Variants in DLEC1 observed in about 807,000 individuals in gnomAD.
The protein encoded by DLEC1 is DLEC1 cilia and flagella associated protein, also known as deleted in lung and esophageal cancer protein 1.
In DLEC1, 146 loss-of-function variants were observed where a neutral mutation model predicts 198.1. The observed-to-expected ratio is 0.74, with a 90% CI of 0.64 to 0.85. DLEC1 has a LOEUF of 0.85. Among genes scored for constraint, DLEC1 ranks in the 40% least tolerant of loss-of-function variants. The pLI is 0.00. For synonymous variants in DLEC1, 897 were observed against 866.8 expected (o/e 1.03, Z -0.61); for missense variants, 2,233 against 2,220.0 (o/e 1.01, Z -0.12).
At position 38,097,843 on chromosome 3, in the gene DLEC1, C is replaced by T; in HGVS notation, c.2665C>T (p.Leu889Phe). 6.2e-7 allele frequency: 1 copy of T among 1,614,244 alleles called. No individual in the cohort carries two copies. Among genetic ancestry groups the T allele is most frequent in the Non-Finnish European group, 8.5e-7 (1 of 1,180,044 alleles). ...NSIQIRNVSQ[L>F]PATWRMKESP... is the part of the protein sequence containing the mutation. ...CATCCAGATCCGGAACGTCAGCCAG[C>T]TCCCAGCCACATGGCGCATGAAGGA... Residue 889 changes from leucine (L) to phenylalanine (F), a missense_variant, in exon 18 of 37, where the codon CTC becomes TTC. Physicochemically the swap from Leu to Phe is conservative, Grantham distance 22. Transcript: ENST00000308059.
In DLEC1 at chr3:38,112,282, G is replaced by C; in HGVS notation, c.3587G>C (p.Gly1196Ala). The change falls in exon 25 of 37, where the codon GGG (glycine) becomes GCG (alanine). Residue 1196 changes from glycine to alanine, a missense_variant. Coordinates refer to ENST00000308059, the MANE Select transcript of DLEC1 (RefSeq NM_007335.4). The surrounding 1 kb of genome is among the most constrained non-coding windows in gnomAD (Gnocchi z 4.8). Reference sequence around the variant, plus strand: ...CCTCACTTTTCCCAGGGCATGCTGGGGCCCTACCAGCAGCTGTGCATTGAC... The same window carrying C: ...CCTCACTTTTCCCAGGGCATGCTGGCGCCCTACCAGCAGCTGTGCATTGAC... ...FFPHFSQGMLGPYQQLCIDIT... is the reference protein window; with the variant it reads ...FFPHFSQGMLAPYQQLCIDIT... The C allele has an allele frequency of 6.2e-7, 1 of 1,614,126 alleles. No individual in the cohort carries two copies. The highest frequency in any genetic ancestry group is 8.5e-7 in the Non-Finnish European group (1 of 1,180,016).
intron 2 of DLEC1, among the ~76,000 whole-genome samples, chr3:38,055,047 A>G (rs1696285319): frequency 6.6e-6 from 1 of 152,268 alleles, no homozygotes; most frequent in African/African-American, 2.4e-5. Flanking sequence ...AGTACAATAG[A>G]TGAAACTGTG....
chr3:38,120,859 G>A (rs185366901), intron 34 of DLEC1, among the ~76,000 whole-genome samples: 4 of 152,342 alleles, frequency 2.6e-5, no homozygotes, highest in African/African-American at 9.6e-5. Context: ...GGCTCCCTGC[G>A]GGAGGAAGGA....
intron 2 of DLEC1, among the ~76,000 whole-genome samples, chr3:38,048,018 T>C (rs1377999876): frequency 6.6e-6 from 1 of 152,208 alleles, no homozygotes; most frequent in Non-Finnish European, 1.5e-5. Flanking sequence ...GTTTGTTTGG[T>C]TGTTTTAGTA....
intron 2 of DLEC1, among the ~76,000 whole-genome samples, chr3:38,047,548 A>G (rs184044335): frequency 2.6e-5 from 4 of 152,334 alleles, no homozygotes; most frequent in Admixed American, 2.0e-4. Flanking sequence ...TGTTTTTCCT[A>G]TGGACTTGTC....
chr3:38,096,965 C>T (rs754802321), intron 15 of DLEC1, among the ~76,000 whole-genome samples: 12 of 152,202 alleles, frequency 7.9e-5, no homozygotes, highest in Non-Finnish European at 1.8e-4. Context: ...GCTATGGAAC[C>T]TATTCCCGTC....
intron 3 of DLEC1, 23 bp downstream of exon 3, chr3:38,059,875 G>A: frequency 6.2e-7 from 1 of 1,605,960 alleles, no homozygotes; most frequent in Non-Finnish European, 8.5e-7. Context: ...TGCTCTCAAG[G>A]CCTCTGATAC....
chr3:38,096,602 C>T lies in DLEC1; in HGVS notation c.2205C>T (p.Tyr735=), dbSNP rs992296127. ...CGGAGAGCCTGGGGCACTCCTCCTA[C>T]TCTGTGGATGATGTGATTGTCCTGG... is the stretch of plus-strand genomic sequence containing the variant. ...SEAESLGHSS[Y]SVDDVIVLEI... The change falls in exon 15 of 37, where the codon TAC becomes TAT. Residue 735 remains tyrosine (Y), a synonymous_variant. Coordinates refer to ENST00000308059, the MANE Select transcript of DLEC1 (RefSeq NM_007335.4). 1 of 1,612,288 alleles carries T rather than the reference C, an allele frequency of 6.2e-7. No individual in the cohort carries two copies. The highest frequency in any genetic ancestry group is 8.5e-7 in the Non-Finnish European group (1 of 1,179,926).
intron 6 of DLEC1, among the ~76,000 whole-genome samples, 158 bp from the exon 7 acceptor site, chr3:38,084,000 C>T (rs1286386086): frequency 6.6e-6 from 1 of 152,128 alleles, no homozygotes; most frequent in Admixed American, 6.5e-5. Flanking sequence ...AATGAATCCC[C>T]ATGTACCCCT....
rs762909674 is a variant in DLEC1 at position 38,039,480 on chromosome 3, C to T, written c.255C>T (p.Ser85=). The T allele has an allele frequency of 3.1e-6, 5 of 1,613,922 alleles. No homozygotes were observed. Among genetic ancestry groups the T allele is most frequent in the South Asian group, 1.1e-5 (1 of 91,092 alleles). The change falls in exon 1 of 37, where the codon TCC becomes TCT. Residue 85 remains serine (S), a synonymous_variant. Coordinates refer to ENST00000308059, the MANE Select transcript of DLEC1 (RefSeq NM_007335.4). ...CTCAGCTGCTTCGTCTGCGCCCCTC[C>T]TCGCTGCGCACCCAAGATATCTCGC... is the stretch of plus-strand genomic sequence containing the variant. The part of the protein sequence containing the change: ...PEPQLLRLRP[S]SLRTQDISHL...
intron 18 of DLEC1, among the ~76,000 whole-genome samples, chr3:38,098,362 A>C (rs1259826274): frequency 6.6e-6 from 1 of 152,212 alleles, no homozygotes; most frequent in East Asian, 1.9e-4. Context: ...AAGAAAATTC[A>C]AGATTTATTT....
chr3:38,050,963 A>G (rs960923062), intron 2 of DLEC1, among the ~76,000 whole-genome samples: 29 of 150,202 alleles, frequency 1.9e-4, no homozygotes, highest in African/African-American at 7.1e-4. Flanking sequence ...GCTGGAGGGC[A>G]TTGGCCCCAT....
intron 10 of DLEC1, among the ~76,000 whole-genome samples, chr3:38,089,588 C>CT (rs1423844682): frequency 1.3e-5 from 2 of 152,030 alleles, no homozygotes; most frequent in Non-Finnish European, 2.9e-5. Flanking sequence ...TCTACAAGGC[C>CT]CATACACAGG....
chr3:38,095,780 C>T lies in DLEC1; in HGVS notation c.2113-108C>T, dbSNP rs187104729. On this transcript the variant is annotated intron_variant, in intron 13 of 36. Transcript: ENST00000308059. ...AACCCTGGGTTTTCAGAAGGTCCTTCTGATGGCTAGGCTAAGGGGAGGAAG... is the reference window on the plus strand; with the variant it reads ...AACCCTGGGTTTTCAGAAGGTCCTTTTGATGGCTAGGCTAAGGGGAGGAAG... 152 of 1,438,360 alleles carry T rather than the reference C, an allele frequency of 1.1e-4. No homozygotes were observed. The African/African-American group carries it at 1.8e-3, about 17-fold the overall frequency. The allele number at this position is 1,438,360 out of a possible 1,614,324, so 89.1% of individuals were successfully genotyped here.
intron 29 of DLEC1, 22 bp downstream of exon 29, chr3:38,116,911 G>A (rs1700200931): frequency 6.2e-7 from 1 of 1,612,222 alleles, no homozygotes; most frequent in Admixed American, 1.7e-5. Context: ...TATGGGCTGG[G>A]AGCTGTCTGC....
chr3:38,086,142 CT>C, intron 8 of DLEC1, 98 bp from the exon 9 acceptor site: 1 of 1,480,294 alleles, frequency 6.8e-7, no homozygotes, highest in African/African-American at 1.4e-5. Context: ...CTGGGACCAG[CT>C]GTCCTGATCT....
intron 6 of DLEC1, among the ~76,000 whole-genome samples, chr3:38,065,016 G>A (rs541720922): frequency 2.0e-5 from 3 of 152,278 alleles, no homozygotes; most frequent in African/African-American, 7.2e-5. Context: ...GTAGCGAGCC[G>A]AGATCATGCC....
chr3:38,095,426 A>G lies in DLEC1; in HGVS notation c.2112+355A>G, dbSNP rs370083053. 285 of 334,346 alleles carry G rather than the reference A, an allele frequency of 8.5e-4. 1 individual carries two copies. The highest frequency in any genetic ancestry group is 7.4e-3 in the Middle Eastern group (8 of 1,084). 20.7% of individuals were successfully genotyped at this position (334,346 alleles called of 1,614,324 possible). On this transcript the variant is annotated intron_variant, in intron 13 of 36. Transcript: ENST00000308059. The stretch of plus-strand genomic sequence containing the variant: ...GCAGGGACCCGAGGGCCAGGTTAGC[A>G]CAGCGCTGGCCCCAGCATGGAGGGA...
intron 10 of DLEC1, among the ~76,000 whole-genome samples, chr3:38,091,159 T>C (rs1295733215): frequency 4.6e-5 from 7 of 152,178 alleles, no homozygotes; most frequent in Non-Finnish European, 2.9e-5. Context: ...TTTTTGCATA[T>C]GATCTCAAAA....
Sources: allele counts gnomAD v4.1 joint callset (sites outside exome capture counted in the v4.1 genomes callset), GRCh38; gene constraint gnomAD v4.1.1; non-coding constraint Gnocchi (gnomAD v3.1); transcripts MANE v1.5; gene names NCBI Gene and HGNC (gene_info 2026-07-23, HGNC 2026-07-21).